The following PKHD1 variants were observed in gnomAD, a reference collection of about 807,000 sequenced individuals.
PKHD1 encodes the protein PKHD1 ciliary IPT domain containing fibrocystin/polyductin.
A neutral mutation model predicts 412.0 loss-of-function variants in PKHD1; 291 were observed. The observed-to-expected ratio is 0.71, with a 90% confidence interval of 0.64 to 0.78. PKHD1 has a LOEUF of 0.78. Among genes scored for constraint, PKHD1 ranks in the 30% least tolerant of loss-of-function variants. The probability of loss-of-function intolerance (pLI) is 0.00; values close to 1 mark genes in which losing one functional copy is unlikely to be tolerated. For missense variants in PKHD1, 4,825 were observed against 4,950.7 expected, an observed-to-expected ratio of 0.97 and a Z score of 0.76; for synonymous variants, 1,777 against 1,821.5, an observed-to-expected ratio of 0.98 and a Z score of 0.62.
Position 52,053,976 on chromosome 6 carries a change from C to G in PKHD1, c.1964+62G>C, listed in dbSNP as rs1202732270. On this transcript the variant is annotated intron_variant, in intron 20 of 66. Coordinates refer to ENST00000371117, the MANE Select transcript of PKHD1 (RefSeq NM_138694.4). ...TAGTGCCTGAGGTGGGTAACTGTCCCCAAAACAGTGAATCCTCCCAGCTGA... is the reference window on the plus strand; with the variant it reads ...TAGTGCCTGAGGTGGGTAACTGTCCGCAAAACAGTGAATCCTCCCAGCTGA... The G allele has an allele frequency of 2.5e-6, 4 of 1,585,896 alleles. No homozygotes were observed. In the African/African-American group the frequency reaches 5.4e-5, roughly 21 times the overall value.
At chr6:51,777,692 A>G (rs1197646524) in intron 53 of PKHD1, among the ~76,000 whole-genome samples, 1 of 22,260 alleles carries the variant, frequency 4.5e-5, no homozygotes, top group African/African-American at 1.3e-4. Context: ...AAAAAAAAAA[A>G]AAAAAAAAAA....
chr6:51,700,780 C>G (rs560010595), intron 60 of PKHD1, among the ~76,000 whole-genome samples: 64 of 152,214 alleles, frequency 4.2e-4, no homozygotes, highest in African/African-American at 1.4e-3. Context: ...AATTAAAAAA[C>G]CCCATGCTTA....
chr6:52,056,786 A>T lies in PKHD1; in HGVS notation c.1605T>A (p.Ile535=). The change falls in exon 18 of 67, where the codon ATT becomes ATA. Residue 535 remains isoleucine, a splice_region_variant and synonymous_variant. Coordinates refer to ENST00000371117, the MANE Select transcript of PKHD1 (RefSeq NM_138694.4). ...PIPANATAHL[I]QTTIEELLAV... ...CAAGTAACTCCTCAATGGTTGTTTG[A>T]ATCTATTACAAAGGAAAAAAATGCC... 3.7e-6 allele frequency: 6 copies of T among 1,611,504 alleles called. No homozygotes were observed. The highest frequency in any genetic ancestry group is 5.1e-6 in the Non-Finnish European group (6 of 1,177,662).
At chr6:51,849,075 C>G (rs1771728290) in intron 49 of PKHD1, among the ~76,000 whole-genome samples, 1 of 152,062 alleles carries the variant, frequency 6.6e-6, no homozygotes, top group African/African-American at 2.4e-5. Context: ...CAAACAGGCC[C>G]TGGTGAGTGT....
At chr6:51,979,467 A>G (rs894919890) in intron 35 of PKHD1, among the ~76,000 whole-genome samples, 4 of 151,644 alleles carry the variant, frequency 2.6e-5, no homozygotes, top group Non-Finnish European at 5.9e-5. Context: ...ACATCCTTTC[A>G]TTCTCCTCTG....
chr6:51,857,535 A>C (rs1773493573), intron 48 of PKHD1, among the ~76,000 whole-genome samples: 1 of 152,240 alleles, frequency 6.6e-6, no homozygotes, highest in Non-Finnish European at 1.5e-5. Flanking sequence ...GCACCTATTT[A>C]ACCTTTAGAT....
intron 53 of PKHD1, among the ~76,000 whole-genome samples, chr6:51,789,375 C>T (rs927421515): frequency 2.6e-5 from 4 of 152,070 alleles, no homozygotes; most frequent in South Asian, 2.1e-4. Context: ...AACTTAGGTG[C>T]TTAACAATAG....
At chr6:51,970,238 C>T (rs1386234416) in intron 35 of PKHD1, among the ~76,000 whole-genome samples, 1 of 152,126 alleles carries the variant, frequency 6.6e-6, no homozygotes, top group Non-Finnish European at 1.5e-5. Context: ...CTGTGTCTTC[C>T]TCTAAAAATG....
At chr6:52,037,625 C>T (rs1804154982) in intron 27 of PKHD1, among the ~76,000 whole-genome samples, 2 of 152,044 alleles carry the variant, frequency 1.3e-5, no homozygotes, top group South Asian at 4.1e-4. Flanking sequence ...AAATTAAAAC[C>T]ACAATGAAAT....
chr6:52,061,870 G>A (rs1808730973), intron 14 of PKHD1, among the ~76,000 whole-genome samples: 1 of 152,100 alleles, frequency 6.6e-6, no homozygotes, highest in African/African-American at 2.4e-5. Context: ...GAAACAGTGT[G>A]TCTAAGCAAT....
At chr6:51,627,143 T>A (rs1004179742) in intron 65 of PKHD1, 27 bp from the exon 66 acceptor site, 1 of 1,600,550 alleles carries the variant, frequency 6.2e-7, no homozygotes, top group African/African-American at 1.4e-5. Context: ...GAAAAAGGAT[T>A]TTTTTGTTCA....
chr6:51,706,677 C>A (rs918852465), intron 60 of PKHD1, among the ~76,000 whole-genome samples: 1 of 152,114 alleles, frequency 6.6e-6, no homozygotes. Context: ...AACACCTTTT[C>A]CCTACAGTCC....
chr6:52,042,041 A>G (rs1170597835), intron 27 of PKHD1, among the ~76,000 whole-genome samples: 1 of 152,156 alleles, frequency 6.6e-6, no homozygotes, highest in Non-Finnish European at 1.5e-5. Context: ...TCAAACCAAT[A>G]ATTACTGGGT....
At chr6:51,922,695 G>A (rs1371458993) in intron 37 of PKHD1, among the ~76,000 whole-genome samples, 1 of 152,196 alleles carries the variant, frequency 6.6e-6, no homozygotes, top group Non-Finnish European at 1.5e-5. Context: ...TTTGATCTCA[G>A]ACAGCTGTGC....
intron 63 of PKHD1, among the ~76,000 whole-genome samples, chr6:51,644,971 C>T (rs1205138394): frequency 3.3e-5 from 5 of 152,162 alleles, no homozygotes; most frequent in Admixed American, 1.3e-4. Flanking sequence ...TGTCACTGAG[C>T]CCGGCCAATA....
At chr6:51,909,190 A>T in intron 40 of PKHD1, 93 bp downstream of exon 40, 2 of 996,768 alleles carry the variant, frequency 2.0e-6, no homozygotes, top group South Asian at 2.6e-5. Flanking sequence ...AATCCCTCAA[A>T]TCCCACATAT....
chr6:52,043,822 C>T (rs552289630), intron 25 of PKHD1, 92 bp from the exon 26 acceptor site: 19 of 834,640 alleles, frequency 2.3e-5, no homozygotes, highest in South Asian at 1.1e-4. Flanking sequence ...CAAGCTGACA[C>T]GTGTTCATGA....
chr6:51,898,270 C>G (rs1240989347), intron 43 of PKHD1, among the ~76,000 whole-genome samples: 1 of 148,762 alleles, frequency 6.7e-6, no homozygotes, highest in Non-Finnish European at 1.5e-5. Context: ...GGAAGTAAAG[C>G]TCTCCTCAGC....
intron 60 of PKHD1, among the ~76,000 whole-genome samples, chr6:51,699,056 A>C (rs565041797): frequency 1.3e-5 from 2 of 152,228 alleles, no homozygotes. Context: ...TGGTTAAACA[A>C]TTATCCAAAT....
Sources: gnomAD v4.1 joint callset for allele counts (sites outside exome capture counted in the v4.1 genomes callset) on GRCh38, gnomAD v4.1.1 for gene constraint, MANE v1.5 for transcripts, NCBI Gene and HGNC (gene_info 2026-07-23, HGNC 2026-07-21) for gene names.